Variants in ABCG1 observed in about 807,000 individuals in gnomAD.
The protein encoded by ABCG1 is ATP binding cassette subfamily G member 1, also known as ATP-binding cassette sub-family G member 1.
In ABCG1, 29 loss-of-function variants were observed where a neutral mutation model predicts 69.2. That is an observed-to-expected ratio of 0.42 (90% CI 0.31 to 0.57). The LOEUF is 0.57. Ranked by LOEUF, ABCG1 falls within the 20% of genes least tolerant of loss-of-function variation. ABCG1 has a pLI of 0.15. For synonymous variants in ABCG1, 370 were observed against 374.8 expected (o/e 0.99, Z 0.15); for missense variants, 718 against 898.1 (o/e 0.80, Z 2.56).
At chr21:42,225,028 G>T (rs1400930352) in intron 1 of ABCG1, among the ~76,000 whole-genome samples, 1 of 151,244 alleles carries the variant, frequency 6.6e-6, no homozygotes, top group Non-Finnish European at 1.5e-5. Flanking sequence ...TCCTTAAATT[G>T]TCTATATCTC....
chr21:42,259,657 C>A (rs1039109833), intron 2 of ABCG1, among the ~76,000 whole-genome samples: 1 of 152,216 alleles, frequency 6.6e-6, no homozygotes, highest in South Asian at 2.1e-4. Flanking sequence ...GCTAGAGCCA[C>A]GTGTTTGCAA....
At chr21:42,277,041 T>C in intron 5 of ABCG1, 96 bp downstream of exon 5, 1 of 1,343,436 alleles carries the variant, frequency 7.4e-7, no homozygotes, top group Non-Finnish European at 1.1e-6. Flanking sequence ...TTGGCTTTTG[T>C]TTGTTGATTT....
Position 42,219,376 on chromosome 21 carries a change from C to G in ABCG1, c.42+72C>G. The G allele has an allele frequency of 6.4e-6, 10 of 1,551,284 alleles. No individual in the cohort carries two copies. Among genetic ancestry groups the G allele is most frequent in the Non-Finnish European group, 8.7e-6 (10 of 1,153,846 alleles). ...GGAGAGCAGGAAACACACAAAGACTCGCAAGCTCGACCTGACACCCCTCCC... is the reference window on the plus strand; with the variant it reads ...GGAGAGCAGGAAACACACAAAGACTGGCAAGCTCGACCTGACACCCCTCCC... On this transcript the variant is annotated intron_variant, in intron 1 of 14. Coordinates refer to ENST00000398449, the MANE Select transcript of ABCG1 (RefSeq NM_016818.3). The surrounding 1 kb of genome is among the most constrained non-coding windows in gnomAD (Gnocchi z 5.3).
rs370251035 is a variant in ABCG1 at position 42,235,484 on chromosome 21, G to C, written c.286+9570G>C. ...CAGCCTCAGGAGACCAGGAGAACAC[G>C]TGCCCAAAGGGGTCGGGAACAGCTT... On this transcript the variant is annotated intron_variant, in intron 2 of 14. Coordinates refer to ENST00000398449, the MANE Select transcript of ABCG1 (RefSeq NM_016818.3). Among the ~76,000 whole-genome samples, 15 of 152,314 alleles carry C rather than the reference G, an allele frequency of 9.8e-5. 1 individual carries two copies. Among genetic ancestry groups the C allele is most frequent in the Admixed American group, 2.6e-4 (4 of 15,308 alleles).
chr21:42,209,996 G>A (rs1470869602), intron 2 of ABCG1, among the ~76,000 whole-genome samples: 2 of 152,114 alleles, frequency 1.3e-5, no homozygotes, highest in African/African-American at 4.8e-5. Context: ...GAACTCGGGA[G>A]GGCAGGATGT....
chr21:42,240,894 G>A (rs767695741), intron 2 of ABCG1, among the ~76,000 whole-genome samples: 4 of 152,278 alleles, frequency 2.6e-5, no homozygotes, highest in South Asian at 4.1e-4. Flanking sequence ...AGTAAACAGC[G>A]TGACCAGCAC....
rs749343697 is a variant in ABCG1, at chr21:42,296,271, G to A, written c.1880G>A (p.Arg627Gln). Residue 627 changes from arginine to glutamine, a missense_variant, in exon 15 of 15, where the codon CGG becomes CAG. Transcript: ENST00000398449. This position sits in a 1 kb window ranked among gnomAD's most constrained non-coding sequence, Gnocchi z 5.4. Reference sequence around the variant, plus strand: ...TTCCAGAAGTCGGAGGCCATCCTGCGGGAGCTGGACGTGGAAAATGCCAAG... The same window carrying A: ...TTCCAGAAGTCGGAGGCCATCCTGCAGGAGCTGGACGTGGAAAATGCCAAG... Reference protein sequence around the residue: ...CHFQKSEAILRELDVENAKLY... With the variant: ...CHFQKSEAILQELDVENAKLY... 3.9e-5 allele frequency: 63 copies of A among 1,614,148 alleles called. No homozygotes were observed. The highest frequency in any genetic ancestry group is 4.8e-5 in the Non-Finnish European group (57 of 1,180,016).
At chr21:42,262,903 T>G (rs1339333264) in intron 2 of ABCG1, among the ~76,000 whole-genome samples, 1 of 152,276 alleles carries the variant, frequency 6.6e-6, no homozygotes, top group Non-Finnish European at 1.5e-5. Flanking sequence ...CAGTGAGCTC[T>G]GGCCTGGTGA....
intron 2 of ABCG1, among the ~76,000 whole-genome samples, chr21:42,246,429 A>G (rs1178646973): frequency 1.3e-5 from 2 of 152,354 alleles, no homozygotes; most frequent in Non-Finnish European, 2.9e-5. Flanking sequence ...TGCAAAAATA[A>G]TAAACAATGC....
intron 2 of ABCG1, among the ~76,000 whole-genome samples, chr21:42,242,576 A>C (rs1218716389): frequency 6.6e-6 from 1 of 152,180 alleles, no homozygotes; most frequent in Non-Finnish European, 1.5e-5. Context: ...GATGTGTGGT[A>C]CCTGGAACCA....
At chr21:42,277,868 T>C (rs1380953898) in intron 5 of ABCG1, among the ~76,000 whole-genome samples, 1 of 152,128 alleles carries the variant, frequency 6.6e-6, no homozygotes, top group Non-Finnish European at 1.5e-5. Context: ...CATTTCCCCC[T>C]CTCCGGTCAT....
chr21:42,291,467 G>T lies in ABCG1; in HGVS notation c.1495-31G>T. The T allele has an allele frequency of 6.3e-7, 1 of 1,590,364 alleles. No homozygotes were observed. Among genetic ancestry groups the T allele is most frequent in the Non-Finnish European group, 8.6e-7 (1 of 1,163,474 alleles). ...TGGCCTGCTGTGGTGGGAAGCGGCT[G>T]AGCCCGCGGCTGACGGGTCCTTGTT... On this transcript the variant is annotated intron_variant, in intron 12 of 14. Coordinates refer to ENST00000398449, the MANE Select transcript of ABCG1 (RefSeq NM_016818.3). This position sits in a 1 kb window ranked among gnomAD's most constrained non-coding sequence, Gnocchi z 6.4.
At chr21:42,279,090 G>A (rs1392503643) in intron 5 of ABCG1, among the ~76,000 whole-genome samples, 4 of 152,118 alleles carry the variant, frequency 2.6e-5, no homozygotes, top group African/African-American at 9.7e-5. Context: ...TTCATGGGGT[G>A]TCGGAAGCAC....
At chr21:42,270,004 G>A (rs1009981170) in intron 2 of ABCG1, among the ~76,000 whole-genome samples, 1 of 152,192 alleles carries the variant, frequency 6.6e-6, no homozygotes, top group South Asian at 2.1e-4. Context: ...GGTGGCTCAC[G>A]CCTGTAATCC....
chr21:42,237,298 C>T (rs2067991133), intron 2 of ABCG1, among the ~76,000 whole-genome samples: 1 of 152,258 alleles, frequency 6.6e-6, no homozygotes, highest in South Asian at 2.1e-4. Flanking sequence ...TCTCCCAGCC[C>T]TGCGTCTCCG....
chr21:42,277,744 G>A (rs944354917), intron 5 of ABCG1, among the ~76,000 whole-genome samples: 5 of 152,220 alleles, frequency 3.3e-5, no homozygotes, highest in Admixed American at 6.5e-5. Flanking sequence ...AGTGGGGTTT[G>A]CCGGGTTAGT....
At chr21:42,289,973 A>G in intron 10 of ABCG1, 77 bp from the exon 11 acceptor site, 1 of 1,561,624 alleles carries the variant, frequency 6.4e-7, no homozygotes, top group Non-Finnish European at 8.8e-7. Context: ...CATGCTTCCA[A>G]AGGCCGCATC....
upstream of ABCG1, among the ~76,000 whole-genome samples, chr21:42,218,589 G>A (rs576283647): frequency 1.2e-3 from 187 of 152,322 alleles, no homozygotes; most frequent in Non-Finnish European, 1.7e-3. Context: ...ACATGTGTGA[G>A]TGCACACGAT....
chr21:42,245,391 C>T (rs891668245), intron 2 of ABCG1, among the ~76,000 whole-genome samples: 23 of 152,226 alleles, frequency 1.5e-4, no homozygotes, highest in African/African-American at 5.5e-4. Context: ...TGGTTTTAGG[C>T]ATTCAGTCCA....
Sources: allele counts gnomAD v4.1 joint callset (sites outside exome capture counted in the v4.1 genomes callset), GRCh38; gene constraint gnomAD v4.1.1; non-coding constraint Gnocchi (gnomAD v3.1); transcripts MANE v1.5; gene names NCBI Gene and HGNC (gene_info 2026-07-23, HGNC 2026-07-21).